Variants in KANK1 observed in about 807,000 individuals in gnomAD.
KANK1 encodes KN motif and ankyrin repeat domains 1.
A neutral mutation model predicts 106.2 loss-of-function variants in KANK1; 109 were observed. That is an observed-to-expected ratio of 1.03 (90% confidence interval 0.88 to 1.20). KANK1 has a LOEUF of 1.20. Among genes scored for constraint, KANK1 ranks in the 50% most tolerant of loss-of-function variants. KANK1 has a pLI of 0.00. For synonymous variants in KANK1, 873 were observed against 652.2 expected (o/e 1.34, Z -5.16); for missense variants, 2,399 against 1,710.7 (o/e 1.40, Z -7.10).
chr9:584,047 T>C (rs1238887586), intron 1 of KANK1, among the ~76,000 whole-genome samples: 1 of 152,192 alleles, frequency 6.6e-6, no homozygotes, highest in Non-Finnish European at 1.5e-5. Context: ...CATTTGACCT[T>C]GACCTTATCC....
At chr9:538,993 G>A (rs186504973) in intron 1 of KANK1, among the ~76,000 whole-genome samples, 96 of 152,220 alleles carry the variant, frequency 6.3e-4, no homozygotes, top group African/African-American at 2.0e-3. Flanking sequence ...CAATTCTCCT[G>A]CCTCAGCCTC....
intron 1 of KANK1, among the ~76,000 whole-genome samples, chr9:513,412 AG>A (rs1198104771): frequency 6.6e-6 from 1 of 151,994 alleles, no homozygotes; most frequent in Non-Finnish European, 1.5e-5. Flanking sequence ...ACTCTGTTGG[AG>A]GTGTTTTGGG....
At chr9:506,077 T>C (rs2058743769) in intron 1 of KANK1, among the ~76,000 whole-genome samples, 1 of 152,226 alleles carries the variant, frequency 6.6e-6, no homozygotes, top group Non-Finnish European at 1.5e-5. Context: ...GTTTTTAATA[T>C]ATCCGTAAAG....
At chr9:473,030 G>A (rs1054948513) in intron 2 of KANK1, among the ~76,000 whole-genome samples, 5 of 152,228 alleles carry the variant, frequency 3.3e-5, no homozygotes, top group African/African-American at 1.2e-4. Flanking sequence ...CATGGGGGCC[G>A]CTAAGGCCTG....
In KANK1 at chr9:626,866, C is replaced by T. The variant is rs562617500; in HGVS notation, c.-83-50024C>T. 3.9e-5 allele frequency among the ~76,000 whole-genome samples: 6 copies of T among 152,336 alleles called. 1 individual carries two copies. In the South Asian group the frequency reaches 6.2e-4, roughly 16 times the overall value. On this transcript the variant is annotated intron_variant, in intron 1 of 11. Transcript: ENST00000382297. ...CAGATTGAAGTTAGACTCCAGAAGA[C>T]AGCTTTACAGTGTGTTAAACCAGAT...
chr9:685,542 G>A (rs900222994), intron 2 of KANK1: 12 of 152,136 alleles, frequency 7.9e-5, no homozygotes, highest in African/African-American at 2.9e-4. Context: ...TTTATGGCCA[G>A]ATTTGCCTGA....
chr9:557,212 A>T (rs905780384), intron 1 of KANK1, among the ~76,000 whole-genome samples: 1 of 150,962 alleles, frequency 6.6e-6, no homozygotes, highest in Non-Finnish European at 1.5e-5. Flanking sequence ...AAAAAAATTT[A>T]TTCATTAGTT....
intron 1 of KANK1, among the ~76,000 whole-genome samples, chr9:604,158 G>A (rs927384800): frequency 1.3e-5 from 2 of 151,506 alleles, no homozygotes; most frequent in African/African-American, 4.9e-5. Context: ...ATACGTTATT[G>A]TTCTGATTAT....
At position 681,659 on chromosome 9, in the gene KANK1, C is replaced by A. The variant is rs1231033172; in HGVS notation, c.37+4650C>A. On this transcript the variant is annotated intron_variant, in intron 2 of 11. Coordinates refer to ENST00000382297, the MANE Select transcript of KANK1 (RefSeq NM_015158.5). ...GCTGGTCATATGTCAGGGGATAGCA[C>A]CATTCCCCTTGTTCTCTTGTCCTTG... 2.0e-5 allele frequency among the ~76,000 whole-genome samples: 3 copies of A among 152,272 alleles called. No individual in the cohort carries two copies. The East Asian group carries it at 5.8e-4, about 30-fold the overall frequency.
intron 1 of KANK1, among the ~76,000 whole-genome samples, chr9:617,969 A>G (rs1354214976): frequency 6.6e-6 from 1 of 152,170 alleles, no homozygotes; most frequent in East Asian, 1.9e-4. Flanking sequence ...CACTCTCTGG[A>G]TGCCACACTT....
intron 1 of KANK1, among the ~76,000 whole-genome samples, chr9:608,213 A>AT (rs1158071916): frequency 1.3e-5 from 2 of 149,418 alleles, no homozygotes; most frequent in African/African-American, 5.0e-5. Flanking sequence ...AATTTTTTGT[A>AT]TTTTTAGTAG....
intron 1 of KANK1, among the ~76,000 whole-genome samples, chr9:543,926 GTT>G (rs2060770181): frequency 6.6e-6 from 1 of 151,926 alleles, no homozygotes; most frequent in Non-Finnish European, 1.5e-5. Flanking sequence ...TAATTTCTCA[GTT>G]TTTTGTTTCC....
At chr9:640,954 C>T (rs1001679978) in intron 1 of KANK1, among the ~76,000 whole-genome samples, 8 of 152,128 alleles carry the variant, frequency 5.3e-5, no homozygotes, top group African/African-American at 1.9e-4. Flanking sequence ...CCTCGGCCTC[C>T]CAAAGTCCAG....
In KANK1 at chr9:643,856, C is replaced by T. The variant is rs1385074073; in HGVS notation, c.-83-33034C>T. Among the ~76,000 whole-genome samples the T allele has an allele frequency of 4.0e-5, 6 of 150,406 alleles. 1 individual carries two copies. Among genetic ancestry groups the T allele is most frequent in the African/African-American group, 1.5e-4 (6 of 39,864 alleles). On this transcript the variant is annotated intron_variant, in intron 1 of 11. Transcript: ENST00000382297. ...TAGCTGGGATTACAGGTGCCTGCTA[C>T]TGTGCCCGGCTAATTTTTGTATTTT... is the stretch of plus-strand genomic sequence containing the variant.
chr9:487,180 G>C (rs997903042), intron 3 of KANK1, among the ~76,000 whole-genome samples: 1 of 152,158 alleles, frequency 6.6e-6, no homozygotes, highest in African/African-American at 2.4e-5. Context: ...AATACAGACA[G>C]TTCCCAACTT....
At chr9:650,807 C>T (rs747813007) in intron 1 of KANK1, among the ~76,000 whole-genome samples, 8 of 152,082 alleles carry the variant, frequency 5.3e-5, no homozygotes, top group Non-Finnish European at 7.3e-5. Context: ...AGAAATGTTG[C>T]AGTCCATGGA....
rs565621384 is a variant in KANK1 at position 662,523 on chromosome 9, C to T, written c.-83-14367C>T. On this transcript the variant is annotated intron_variant, in intron 1 of 11. Coordinates refer to ENST00000382297, the MANE Select transcript of KANK1 (RefSeq NM_015158.5). The stretch of plus-strand genomic sequence containing the variant: ...AACAGAGGCCTCAGAAATAACACCA[C>T]ACATCTACAACCATCTGATCTTTGA... 5.3e-5 allele frequency among the ~76,000 whole-genome samples: 7 copies of T among 131,772 alleles called. 1 individual carries two copies. In the South Asian group the frequency reaches 2.0e-3, roughly 37 times the overall value. 86.4% of individuals were successfully genotyped at this position (131,772 alleles called of 152,430 possible). A position where few individuals can be genotyped will look rare whatever the true frequency, so the allele number is the denominator to read the frequency against.
chr9:505,343 G>C (rs1587311475), intron 1 of KANK1, among the ~76,000 whole-genome samples: 1 of 152,186 alleles, frequency 6.6e-6, no homozygotes, highest in Admixed American at 6.5e-5. Flanking sequence ...GGGCTGGAGG[G>C]CGGGGAGGCG....
chr9:727,716 G>A (rs1439886679), intron 3 of KANK1, among the ~76,000 whole-genome samples: 1 of 147,470 alleles, frequency 6.8e-6, no homozygotes, highest in Admixed American at 6.7e-5. Context: ...GTGTGTGTGT[G>A]TATGTGTGTG....
Sources: gnomAD v4.1 joint callset for allele counts (sites outside exome capture counted in the v4.1 genomes callset) on GRCh38, gnomAD v4.1.1 for gene constraint, MANE v1.5 for transcripts, NCBI Gene and HGNC (gene_info 2026-07-23, HGNC 2026-07-21) for gene names.